AHRR: variants seen among roughly 807,000 people sequenced by gnomAD.
AHRR encodes aryl hydrocarbon receptor repressor.
AHRR carries 28 observed loss-of-function variants against 44.0 expected under a neutral mutation model. That is an observed-to-expected ratio of 0.64 (90% CI 0.47 to 0.87). AHRR has a LOEUF of 0.87. Among genes scored for constraint, AHRR ranks in the 40% least tolerant of loss-of-function variants. The probability of loss-of-function intolerance (pLI) is 0.00; values close to 1 mark genes in which losing one functional copy is unlikely to be tolerated. For missense variants in AHRR, 990 were observed against 953.9 expected, an observed-to-expected ratio of 1.04 and a Z score of -0.50; for synonymous variants, 434 against 407.0, an observed-to-expected ratio of 1.07 and a Z score of -0.80.
intron 4 of AHRR, among the ~76,000 whole-genome samples, chr5:403,452 A>G (rs1046353917): frequency 3.3e-5 from 5 of 152,116 alleles, no homozygotes; most frequent in Admixed American, 6.5e-5. Flanking sequence ...CCTGGCCAAC[A>G]TGGTGAAACG....
Position 388,364 on chromosome 5 carries a change from G to A in AHRR, c.351+11648G>A, listed in dbSNP as rs762889955. Among the ~76,000 whole-genome samples the A allele has an allele frequency of 1.3e-5, 2 of 152,216 alleles. No homozygotes were observed. The highest frequency in any genetic ancestry group is 4.8e-5 in the African/African-American group (2 of 41,450). On this transcript the variant is annotated intron_variant, in intron 4 of 10. Coordinates refer to ENST00000684583, the MANE Select transcript of AHRR (RefSeq NM_001377236.1). The surrounding 1 kb of genome is among the most constrained non-coding windows in gnomAD (Gnocchi z 5.2). ...AAGACTGTGAAGCTCATGGACTCACGCAGCCATCCATCGATGGCTATGGGG... is the reference window on the plus strand; with the variant it reads ...AAGACTGTGAAGCTCATGGACTCACACAGCCATCCATCGATGGCTATGGGG...
chr5:366,871 C>CA (rs148405299), intron 3 of AHRR, among the ~76,000 whole-genome samples: 14,033 of 152,114 alleles, frequency 0.092, 893 homozygotes, highest in Non-Finnish European at 0.12. Flanking sequence ...CTGTAATCTC[C>CA]AAAAAACCCA....
chr5:368,109 A>G (rs1743431865), intron 3 of AHRR: 1 of 595,292 alleles, frequency 1.7e-6, no homozygotes, highest in Non-Finnish European at 3.0e-6. Context: ...TTATAAACAA[A>G]TGGAGACTCT....
chr5:391,180 A>G (rs1734399355), intron 4 of AHRR, among the ~76,000 whole-genome samples: 2 of 152,234 alleles, frequency 1.3e-5, no homozygotes, highest in Admixed American at 1.3e-4. Context: ...GTCAGCAAAG[A>G]TGCAAGCAAC....
At position 433,771 on chromosome 5, in the gene AHRR, C is replaced by T. The variant is rs1736850981; in HGVS notation, c.1113-82C>T. On this transcript the variant is annotated intron_variant, in intron 10 of 10. Transcript: ENST00000684583. Reference sequence around the variant, plus strand: ...ATTTAGCATCGTCCTGATTTCGTAGCCTCCCTTAGAGACCCCCACCCAGGG... The same window carrying T: ...ATTTAGCATCGTCCTGATTTCGTAGTCTCCCTTAGAGACCCCCACCCAGGG... 7 of 1,367,166 alleles carry T rather than the reference C, an allele frequency of 5.1e-6. No individual in the cohort carries two copies. In the Admixed American group the frequency reaches 9.8e-5, roughly 19 times the overall value. 84.7% of individuals were successfully genotyped at this position (1,367,166 alleles called of 1,614,324 possible).
chr5:398,048 C>T (rs1314528232), intron 4 of AHRR, among the ~76,000 whole-genome samples: 3 of 141,076 alleles, frequency 2.1e-5, no homozygotes, highest in Non-Finnish European at 4.6e-5. Flanking sequence ...TCCATGTTAG[C>T]CCCTGACCAT....
chr5:334,373 A>C (rs1320465926), intron 1 of AHRR, among the ~76,000 whole-genome samples: 1 of 152,112 alleles, frequency 6.6e-6, no homozygotes, highest in Non-Finnish European at 1.5e-5. Flanking sequence ...CGCTGTATGT[A>C]GTCCCAGGTA....
rs1280257556 is a variant in AHRR, at chr5:395,967, A to T, written c.352-17377A>T. ...TTAGGAGGCCATGGGTCGTCCAGAA[A>T]CTCAGGCCAGAAGCGAAGGTATAAA... On this transcript the variant is annotated intron_variant, in intron 4 of 10. Transcript: ENST00000684583. The surrounding 1 kb of genome is among the most constrained non-coding windows in gnomAD (Gnocchi z 5.3). Among the ~76,000 whole-genome samples the T allele has an allele frequency of 6.6e-6, 1 of 152,128 alleles. No individual in the cohort carries two copies. Among genetic ancestry groups the T allele is most frequent in the African/African-American group, 2.4e-5 (1 of 41,428 alleles).
rs1385070213 is a variant in AHRR, at chr5:405,603, C to G, written c.352-7741C>G. On this transcript the variant is annotated intron_variant, in intron 4 of 10. Transcript: ENST00000684583. This position sits in a 1 kb window ranked among gnomAD's most constrained non-coding sequence, Gnocchi z 4.5. The stretch of plus-strand genomic sequence containing the variant: ...TCACCTGGCGCCTGCACCTCTGTAT[C>G]CAGAACCAAGTGGGCGGCACACCCT... Among the ~76,000 whole-genome samples the G allele has an allele frequency of 6.6e-6, 1 of 152,152 alleles. No individual in the cohort carries two copies. The highest frequency in any genetic ancestry group is 1.5e-5 in the Non-Finnish European group (1 of 68,026).
At chr5:389,530 C>T (rs906213989) in intron 4 of AHRR, among the ~76,000 whole-genome samples, 10 of 152,108 alleles carry the variant, frequency 6.6e-5, no homozygotes, top group Non-Finnish European at 4.4e-5. Flanking sequence ...AGTCGAGGAG[C>T]CCTTAGCCAC....
chr5:376,555 A>ACCGTGGGGTTAACGCGGG, intron 3 of AHRR, 55 bp from the exon 4 acceptor site: 1 of 1,428,922 alleles, frequency 7.0e-7, no homozygotes, highest in South Asian at 1.4e-5. Context: ...TGAATGAAGA[A>ACCGTGGGGTTAACGCGGG]GAGTGGCCAG....
chr5:373,881 C>T (rs1743671049), intron 3 of AHRR, among the ~76,000 whole-genome samples: 2 of 150,886 alleles, frequency 1.3e-5, no homozygotes, highest in Admixed American at 1.3e-4. Flanking sequence ...GCACGCGAGG[C>T]CTGGCTGGCC....
chr5:352,334 G>T (rs1424639003), intron 2 of AHRR, among the ~76,000 whole-genome samples: 1 of 151,168 alleles, frequency 6.6e-6, no homozygotes, highest in Non-Finnish European at 1.5e-5. Flanking sequence ...TCACTCTGAG[G>T]TTAAATGGGT....
At chr5:398,531 C>G (rs933148102) in intron 4 of AHRR, among the ~76,000 whole-genome samples, 10 of 152,228 alleles carry the variant, frequency 6.6e-5, no homozygotes, top group Admixed American at 5.9e-4. Flanking sequence ...GCTCTGCCCT[C>G]GGCTCAGCTG....
intron 7 of AHRR, among the ~76,000 whole-genome samples, chr5:426,905 A>G (rs1280069244): frequency 6.7e-6 from 1 of 150,208 alleles, no homozygotes; most frequent in African/African-American, 2.5e-5. Flanking sequence ...GGGTAGATGA[A>G]TGTATGGGAA....
At position 405,809 on chromosome 5, in the gene AHRR, G is replaced by A. The variant is rs146096390; in HGVS notation, c.352-7535G>A. On this transcript the variant is annotated intron_variant, in intron 4 of 10. Coordinates refer to ENST00000684583, the MANE Select transcript of AHRR (RefSeq NM_001377236.1). This position sits in a 1 kb window ranked among gnomAD's most constrained non-coding sequence, Gnocchi z 4.5. ...TCTTTTATATTTTCACGGCACGTGT[G>A]ACTTTTCTTTTTGGATACTTTACTG... Among the ~76,000 whole-genome samples, 1 of 152,252 alleles carries A rather than the reference G, an allele frequency of 6.6e-6. No homozygotes were observed. Among genetic ancestry groups the A allele is most frequent in the Non-Finnish European group, 1.5e-5 (1 of 68,038 alleles).
At chr5:343,358 G>C (rs1019711994) in intron 1 of AHRR, among the ~76,000 whole-genome samples, 3 of 135,672 alleles carry the variant, frequency 2.2e-5, no homozygotes, top group Non-Finnish European at 4.8e-5. Flanking sequence ...GTACCTTCTC[G>C]GGGTGATGGG....
intron 1 of AHRR, among the ~76,000 whole-genome samples, chr5:331,102 C>G (rs111916791): frequency 4.0e-5 from 6 of 151,650 alleles, no homozygotes; most frequent in African/African-American, 1.5e-4. Flanking sequence ...ATCTTGATCT[C>G]TTGACCACGT....
At position 435,596 on chromosome 5, in the gene AHRR, CAGTG is replaced by C. The variant is rs974726680; in HGVS notation, c.*763_*766del. On this transcript the variant is annotated 3_prime_UTR_variant, in exon 11 of 11. Coordinates refer to ENST00000684583, the MANE Select transcript of AHRR (RefSeq NM_001377236.1). Reference sequence around the variant, plus strand: ...TCCTTCTGGACATCTCCCGAGTTCTCAGTGGGTCTCTGCGGACGGTTCTTCCTAA... The same window carrying C: ...TCCTTCTGGACATCTCCCGAGTTCTCGGTCTCTGCGGACGGTTCTTCCTAA... 8 of 152,394 alleles carry C rather than the reference CAGTG, an allele frequency of 5.2e-5. No individual in the cohort carries two copies. The highest frequency in any genetic ancestry group is 1.9e-4 in the African/African-American group (8 of 41,456). The allele number at this position is 152,394 out of a possible 1,614,324, so 9.4% of individuals were successfully genotyped here. A position where few individuals can be genotyped will look rare whatever the true frequency, so the allele number is the denominator to read the frequency against.
Sources: allele counts gnomAD v4.1 joint callset (sites outside exome capture counted in the v4.1 genomes callset), GRCh38; gene constraint gnomAD v4.1.1; non-coding constraint Gnocchi (gnomAD v3.1); transcripts MANE v1.5; gene names NCBI Gene and HGNC (gene_info 2026-07-23, HGNC 2026-07-21).